Variants in SUGCT observed in about 807,000 individuals in gnomAD.
SUGCT encodes the protein succinyl-CoA:glutarate CoA-transferase.
In SUGCT, 41 loss-of-function variants were observed where a neutral mutation model predicts 55.0. That is an observed-to-expected ratio of 0.74 (90% CI 0.58 to 0.97). SUGCT has a LOEUF of 0.97. SUGCT is among the 50% of genes least tolerant of loss of function. SUGCT has a pLI of 0.00. For synonymous variants in SUGCT, 187 were observed against 200.4 expected, an observed-to-expected ratio of 0.93 and a Z score of 0.56; for missense variants, 568 against 547.8, an observed-to-expected ratio of 1.04 and a Z score of -0.37.
intron 11 of SUGCT, among the ~76,000 whole-genome samples, chr7:40,485,247 A>G (rs1418298112): frequency 6.6e-6 from 1 of 151,982 alleles, no homozygotes; most frequent in Non-Finnish European, 1.5e-5. Context: ...GTTTGTTTGA[A>G]GACTTCCAGT....
Position 40,223,462 on chromosome 7 carries a change from G to A in SUGCT, c.485-14173G>A, listed in dbSNP as rs148756989. Among the ~76,000 whole-genome samples, 404 of 152,306 alleles carry A rather than the reference G, an allele frequency of 2.7e-3. 1 individual carries two copies. The highest frequency in any genetic ancestry group is 4.9e-3 in the Non-Finnish European group (332 of 68,034). On this transcript the variant is annotated intron_variant, in intron 6 of 13. Coordinates refer to ENST00000335693, the MANE Select transcript of SUGCT (RefSeq NM_001193313.2). ...ATTTAAAACCAAGATCTGAGAACTA[G>A]ATGTGCTTATAACTGCAAACTTTTT... is the stretch of plus-strand genomic sequence containing the variant.
intron 12 of SUGCT, among the ~76,000 whole-genome samples, chr7:40,640,228 A>G (rs1425195510): frequency 1.3e-5 from 2 of 152,224 alleles, no homozygotes; most frequent in Non-Finnish European, 1.5e-5. Context: ...ATATTTACAC[A>G]TGGCTTCCAT....
At chr7:40,390,474 A>T (rs1215201934) in intron 9 of SUGCT, among the ~76,000 whole-genome samples, 8 of 152,220 alleles carry the variant, frequency 5.3e-5, no homozygotes, top group Non-Finnish European at 5.9e-5. Context: ...AATCACAGGC[A>T]TTCCTATACA....
chr7:40,893,666 TG>T, the SUGCT span, among the ~76,000 whole-genome samples: 584 of 152,246 alleles, frequency 3.8e-3, 26 homozygotes, highest in South Asian at 0.1. Context: ...TAAAAAAACC[TG>T]TTTTGAAATT....
chr7:40,158,066 G>A (rs1178162348), intron 1 of SUGCT, among the ~76,000 whole-genome samples: 2 of 152,036 alleles, frequency 1.3e-5, no homozygotes, highest in Admixed American at 1.3e-4. Flanking sequence ...AATTAGCCAG[G>A]TATGGTTGTG....
chr7:40,195,037 A>G lies in SUGCT; in HGVS notation c.461A>G (p.His154Arg), dbSNP rs777900377. The G allele has an allele frequency of 2.0e-5, 33 of 1,613,478 alleles. No homozygotes were observed. The highest frequency in any genetic ancestry group is 2.8e-5 in the Non-Finnish European group (33 of 1,179,726). ...GYEDIDEIAP[H>R]IIYCSITGYG... ...GAAGATATAGACGAGATTGCTCCTC[A>G]CATCATCTATTGTTCCATCACAGGT... Residue 154 changes from histidine to arginine, a missense_variant, in exon 6 of 14, where the codon CAC becomes CGC. Physicochemically the swap from His to Arg is conservative, Grantham distance 29 (BLOSUM62 0). Transcript: ENST00000335693.
At chr7:40,135,756 A>G (rs1195070523) in intron 1 of SUGCT, among the ~76,000 whole-genome samples, 1 of 151,256 alleles carries the variant, frequency 6.6e-6, no homozygotes, top group Non-Finnish European at 1.5e-5. Context: ...TCCCGTGTTC[A>G]GGAGATTTTC....
intron 12 of SUGCT, among the ~76,000 whole-genome samples, chr7:40,743,033 T>G (rs188587660): frequency 6.6e-6 from 1 of 152,338 alleles, no homozygotes; most frequent in African/African-American, 2.4e-5. Context: ...TAGATTAATT[T>G]CACATGTATA....
chr7:40,315,716 A>G (rs1368118956), intron 8 of SUGCT, among the ~76,000 whole-genome samples: 1 of 152,226 alleles, frequency 6.6e-6, no homozygotes, highest in Non-Finnish European at 1.5e-5. Flanking sequence ...AATTTGGGGT[A>G]TGTTTTAATG....
rs542447493 is a variant in SUGCT, at chr7:40,256,662, A to G, written c.577-17851A>G. On this transcript the variant is annotated intron_variant, in intron 7 of 13. Coordinates refer to ENST00000335693, the MANE Select transcript of SUGCT (RefSeq NM_001193313.2). Reference sequence around the variant, plus strand: ...TTCTCAATGGTCAGTAGTCCTTGTTACAGAAACAGTTATTTGTTGGCATCT... The same window carrying G: ...TTCTCAATGGTCAGTAGTCCTTGTTGCAGAAACAGTTATTTGTTGGCATCT... Among the ~76,000 whole-genome samples the G allele has an allele frequency of 6.6e-5, 10 of 152,316 alleles. No individual in the cohort carries two copies. The East Asian group carries it at 1.9e-3, about 29-fold the overall frequency.
intron 1 of SUGCT, chr7:40,141,913 A>T (rs779782591): frequency 9.1e-6 from 3 of 328,390 alleles, no homozygotes; most frequent in African/African-American, 2.1e-5. Context: ...AGGGGTTCTT[A>T]TCCCTGATGC....
chr7:40,166,886 CA>C (rs34209472), intron 1 of SUGCT, among the ~76,000 whole-genome samples: 73,768 of 118,622 alleles, frequency 0.62, 20,643 homozygotes, highest in African/African-American at 0.77. Flanking sequence ...GACTCCACCT[CA>C]AAAAAAAAAA....
At chr7:40,343,777 C>T (rs1464908945) in intron 9 of SUGCT, among the ~76,000 whole-genome samples, 1 of 152,164 alleles carries the variant, frequency 6.6e-6, no homozygotes, top group Non-Finnish European at 1.5e-5. Flanking sequence ...CTGCCTCAGC[C>T]TCCTGAGTAG....
At chr7:40,361,438 G>T (rs763260723) in intron 9 of SUGCT, among the ~76,000 whole-genome samples, 8 of 152,012 alleles carry the variant, frequency 5.3e-5, no homozygotes, top group Non-Finnish European at 1.0e-4. Context: ...GCCAGGCGTG[G>T]TGACGGGCAC....
At chr7:40,389,300 T>A (rs1271274005) in intron 9 of SUGCT, among the ~76,000 whole-genome samples, 2 of 151,924 alleles carry the variant, frequency 1.3e-5, no homozygotes, top group Non-Finnish European at 2.9e-5. Context: ...AATACAAAAA[T>A]GAGCTGGGCA....
intron 12 of SUGCT, among the ~76,000 whole-genome samples, chr7:40,554,801 T>C (rs1795475951): frequency 6.6e-6 from 1 of 152,182 alleles, no homozygotes; most frequent in Non-Finnish European, 1.5e-5. Context: ...ATCTCTCCTT[T>C]CTAATCCATT....
intron 12 of SUGCT, among the ~76,000 whole-genome samples, chr7:40,521,986 C>T (rs570450506): frequency 6.6e-6 from 1 of 152,150 alleles, no homozygotes; most frequent in Admixed American, 6.5e-5. Context: ...GATGTTGGAC[C>T]TGGGATTCTA....
intron 13 of SUGCT, among the ~76,000 whole-genome samples, chr7:40,827,093 TCATA>T: frequency 6.6e-6 from 1 of 152,232 alleles, no homozygotes; most frequent in Non-Finnish European, 1.5e-5. Context: ...GAATCCTCTG[TCATA>T]CAAACAAAGG....
chr7:40,563,068 C>T (rs557803265), intron 12 of SUGCT, among the ~76,000 whole-genome samples: 5 of 152,170 alleles, frequency 3.3e-5, no homozygotes, highest in Admixed American at 1.3e-4. Context: ...GCCCAAGTAA[C>T]GGTGGATCAT....
Sources: gnomAD v4.1 joint callset for allele counts (sites outside exome capture counted in the v4.1 genomes callset) on GRCh38, gnomAD v4.1.1 for gene constraint, MANE v1.5 for transcripts, NCBI Gene and HGNC (gene_info 2026-07-23, HGNC 2026-07-21) for gene names.